MYO18B: variants seen among roughly 807,000 people sequenced by gnomAD.
MYO18B encodes the protein unconventional myosin-XVIIIb.
MYO18B carries 204 observed loss-of-function variants against 273.0 expected under a neutral mutation model. That is an observed-to-expected ratio of 0.75 (90% CI 0.67 to 0.84). The LOEUF is 0.84. Ranked by LOEUF, MYO18B falls within the 40% of genes least tolerant of loss-of-function variation. The pLI is 0.00. For synonymous variants in MYO18B, 1,330 were observed against 1,305.7 expected (o/e 1.02, Z -0.40); for missense variants, 3,212 against 3,287.6 (o/e 0.98, Z 0.56).
At chr22:25,821,896 G>T (rs1233405007) in intron 12 of MYO18B, among the ~76,000 whole-genome samples, 2 of 152,196 alleles carry the variant, frequency 1.3e-5, no homozygotes, top group Non-Finnish European at 1.5e-5. Flanking sequence ...CCTTTACCTA[G>T]CTGTGATGGT....
intron 15 of MYO18B, among the ~76,000 whole-genome samples, chr22:25,832,070 C>A (rs2089726939): frequency 6.6e-6 from 1 of 152,126 alleles, no homozygotes; most frequent in Non-Finnish European, 1.5e-5. Flanking sequence ...CTCCCACACA[C>A]TACAATGGCT....
At chr22:25,850,768 A>G in intron 20 of MYO18B, among the ~76,000 whole-genome samples, 1 of 152,088 alleles carries the variant, frequency 6.6e-6, no homozygotes, top group East Asian at 1.9e-4. Context: ...CACCGTGCCC[A>G]GCCTTGGAAT....
intron 26 of MYO18B, 74 bp from the exon 27 acceptor site, chr22:25,891,230 G>A (rs1337322225): frequency 5.3e-6 from 6 of 1,126,444 alleles, no homozygotes; most frequent in Non-Finnish European, 7.8e-6. Flanking sequence ...AGCCTTGGAA[G>A]CACTTCATGG....
chr22:26,001,174 C>G (rs1337698133), intron 40 of MYO18B, among the ~76,000 whole-genome samples: 5 of 152,096 alleles, frequency 3.3e-5, no homozygotes, highest in Non-Finnish European at 7.4e-5. Context: ...GCTTCTTCCT[C>G]ATATAAACTA....
intron 10 of MYO18B, among the ~76,000 whole-genome samples, chr22:25,785,102 T>A (rs1385935654): frequency 1.3e-5 from 2 of 152,208 alleles, no homozygotes; most frequent in Admixed American, 6.5e-5. Context: ...CTCGTTCATG[T>A]TGACTGTTTT....
intron 43 of MYO18B, among the ~76,000 whole-genome samples, chr22:26,029,429 T>A (rs938453337): frequency 6.6e-6 from 1 of 152,106 alleles, no homozygotes; most frequent in Non-Finnish European, 1.5e-5. Flanking sequence ...AACATGGCCT[T>A]CTCTCTGCTC....
intron 25 of MYO18B, among the ~76,000 whole-genome samples, chr22:25,887,353 C>A (rs67493247): frequency 6.6e-6 from 1 of 152,120 alleles, no homozygotes; most frequent in Admixed American, 6.5e-5. Flanking sequence ...ACTCACTGCT[C>A]GCCCAAGCTG....
intron 25 of MYO18B, 74 bp from the exon 26 acceptor site, chr22:25,890,682 C>T: frequency 6.3e-7 from 1 of 1,575,610 alleles, no homozygotes; most frequent in Admixed American, 1.8e-5. Flanking sequence ...CAAAGGCGAT[C>T]CTGTGCATGG....
At chr22:25,745,483 A>C (rs1023787793) in intron 1 of MYO18B, among the ~76,000 whole-genome samples, 15 of 151,462 alleles carry the variant, frequency 9.9e-5, no homozygotes, top group African/African-American at 3.4e-4. Context: ...ACACACACAC[A>C]CACACACACA....
At chr22:25,867,411 GGAATAAT>G in intron 21 of MYO18B, among the ~76,000 whole-genome samples, 2 of 152,252 alleles carry the variant, frequency 1.3e-5, no homozygotes, top group South Asian at 4.1e-4. Context: ...TATTTGGCTT[GGAATAAT>G]GTCCTTGAGG....
At position 25,777,567 on chromosome 22, in the gene MYO18B, T is replaced by C; in HGVS notation, c.1870-16T>C. 1 of 1,571,124 alleles carries C rather than the reference T, an allele frequency of 6.4e-7. No homozygotes were observed. Among genetic ancestry groups the C allele is most frequent in the Non-Finnish European group, 8.6e-7 (1 of 1,159,608 alleles). On this transcript the variant is annotated splice_polypyrimidine_tract_variant and intron_variant, in intron 7 of 43. Coordinates refer to ENST00000335473, the MANE Select transcript of MYO18B (RefSeq NM_032608.7). ...GTGGCTGGATGGGATGGCTGATACC[T>C]GTGATCTTCCTGCAGGTGCCCAAGG...
chr22:25,874,516 A>G, intron 23 of MYO18B, 102 bp downstream of exon 23: 2 of 1,413,442 alleles, frequency 1.4e-6, no homozygotes, highest in Non-Finnish European at 1.9e-6. Context: ...GGGTCCAAGG[A>G]TCCAACCTGA....
chr22:25,826,196 G>T (rs1323249551), intron 13 of MYO18B, among the ~76,000 whole-genome samples: 2 of 152,214 alleles, frequency 1.3e-5, no homozygotes, highest in Non-Finnish European at 2.9e-5. Context: ...TCACTCTGGG[G>T]TGAAGGTAGG....
intron 14 of MYO18B, among the ~76,000 whole-genome samples, chr22:25,828,570 C>G (rs1408220214): frequency 6.6e-6 from 1 of 151,410 alleles, no homozygotes; most frequent in Non-Finnish European, 1.5e-5. Flanking sequence ...GTCCTTATAG[C>G]TATCCCTGGG....
At chr22:25,772,754 G>A (rs554676174) in intron 7 of MYO18B, among the ~76,000 whole-genome samples, 25 of 152,334 alleles carry the variant, frequency 1.6e-4, no homozygotes, top group African/African-American at 5.1e-4. Flanking sequence ...CAAGAGTAAC[G>A]AAAGAAAATA....
intron 34 of MYO18B, among the ~76,000 whole-genome samples, chr22:25,945,202 T>G (rs760605340): frequency 6.6e-6 from 1 of 152,152 alleles, no homozygotes; most frequent in Non-Finnish European, 1.5e-5. Context: ...GGACCCACTT[T>G]TAACCCTGAA....
At chr22:25,997,633 A>T (rs1269096240) in intron 40 of MYO18B, among the ~76,000 whole-genome samples, 1 of 152,216 alleles carries the variant, frequency 6.6e-6, no homozygotes, top group Non-Finnish European at 1.5e-5. Flanking sequence ...CATTTCAAAG[A>T]ATTAATATTG....
chr22:25,903,802 C>T lies in MYO18B; in HGVS notation c.5119C>T (p.Gln1707Ter). 1 of 1,602,024 alleles carries T rather than the reference C, an allele frequency of 6.2e-7. No homozygotes were observed. Among genetic ancestry groups the T allele is most frequent in the Non-Finnish European group, 8.5e-7 (1 of 1,174,410 alleles). The change falls in exon 31 of 44, where the codon CAG becomes TAG. Residue 1707 changes from glutamine (Q) to a stop codon, truncating the protein, a stop_gained. Coordinates refer to ENST00000335473, the MANE Select transcript of MYO18B (RefSeq NM_032608.7). LOFTEE classifies it high-confidence loss of function. ...TGAGCAACAGAAAATCCAGAGCCAG[C>T]AGGAAAACACCATCAAGCAGCTGGA... ...ALEQQKIQSQ[Q>*]ENTIKQLEQL... is the part of the protein sequence containing the mutation.
At chr22:25,964,559 T>C (rs888136978) in intron 39 of MYO18B, among the ~76,000 whole-genome samples, 2 of 152,216 alleles carry the variant, frequency 1.3e-5, no homozygotes, top group Admixed American at 1.3e-4. Flanking sequence ...GATCAGATCA[T>C]TCTATGTTGT....
Sources: allele counts gnomAD v4.1 joint callset (sites outside exome capture counted in the v4.1 genomes callset), GRCh38; gene constraint gnomAD v4.1.1; transcripts MANE v1.5; gene names NCBI Gene and HGNC (gene_info 2026-07-23, HGNC 2026-07-21).